ZNF705G: variants seen among roughly 807,000 people sequenced by gnomAD.
ZNF705G encodes zinc finger protein 705G.
ZNF705G carries 23 observed loss-of-function variants against 19.6 expected under a neutral mutation model. The observed-to-expected ratio is 1.17, with a 90% CI of 0.84 to 1.66. The LOEUF (loss-of-function observed/expected upper bound fraction) is 1.66, where lower values mean the gene tolerates loss of function less well. Among genes scored for constraint, ZNF705G ranks in the 40% most tolerant of loss-of-function variants. The pLI, the probability that ZNF705G is intolerant of heterozygous loss-of-function variation, is 0.00. For missense variants in ZNF705G, 457 were observed against 354.4 expected (o/e 1.29, Z -2.32); for synonymous variants, 146 against 117.7 (o/e 1.24, Z -1.56).
intron 2 of ZNF705G, among the ~76,000 whole-genome samples, chr8:7,377,953 CAAAAA>C (rs1175739210): frequency 5.6e-5 from 3 of 53,118 alleles, no homozygotes; most frequent in African/African-American, 4.0e-4. Flanking sequence ...GACACTGTCT[CAAAAA>C]AAAAAAAAAA....
At position 7,358,495 on chromosome 8, in the gene ZNF705G, A is replaced by T; in HGVS notation, c.384T>A (p.Ser128Arg). 1 of 1,607,616 alleles carries T rather than the reference A, an allele frequency of 6.2e-7. No individual in the cohort carries two copies. The highest frequency in any genetic ancestry group is 8.5e-7 in the Non-Finnish European group (1 of 1,179,592). The change falls in exon 7 of 7, where the codon AGT becomes AGA. Residue 128 changes from serine (S) to arginine (R), a missense_variant. Coordinates refer to ENST00000400156, the MANE Select transcript of ZNF705G (RefSeq NM_001164457.3). The stretch of plus-strand genomic sequence containing the variant: ...TTAACAAACACTGAGTTATTGTGGA[A>T]CTGCGAGTGCAATCTTCTCCCGAAT... ...CNDSGEDCTR[S>R]STITQCLLTH...
chr8:7,379,718 T>G (rs547692768), intron 2 of ZNF705G, among the ~76,000 whole-genome samples: 1 of 147,284 alleles, frequency 6.8e-6, no homozygotes, highest in East Asian at 1.9e-4. Flanking sequence ...ACTGCAATCC[T>G]AGCCAAGGGA....
chr8:7,370,044 A>ATT (rs61572231), intron 2 of ZNF705G, among the ~76,000 whole-genome samples: 4,105 of 146,196 alleles, frequency 0.028, 95 homozygotes, highest in Middle Eastern at 0.089. Context: ...TAAAAGTTGA[A>ATT]TTTTTTTTTA....
At position 7,360,273 on chromosome 8, in the gene ZNF705G, T is replaced by A. The variant is rs9721188; in HGVS notation, c.199A>T (p.Arg67Trp). ...LQLEQGKELW[R>W]EGRVFLQDQN... ...TCTTGAAGAAATACTCTTCCTTCCCTCCACAGCTCTTTTCCTTGCTCCAGC... is the reference window on the plus strand; with the variant it reads ...TCTTGAAGAAATACTCTTCCTTCCCACCACAGCTCTTTTCCTTGCTCCAGC... The change falls in exon 5 of 7, where the codon AGG becomes TGG. Residue 67 changes from arginine (R) to tryptophan (W), a missense_variant. Transcript: ENST00000400156. 1.9e-5 allele frequency: 29 copies of A among 1,521,850 alleles called. 2 individuals are homozygous for A. Among genetic ancestry groups the A allele is most frequent in the East Asian group, 4.5e-5 (2 of 44,318 alleles). The allele number at this position is 1,521,850 out of a possible 1,614,324, so 94.3% of individuals were successfully genotyped here. A position where few individuals can be genotyped will look rare whatever the true frequency, so the allele number is the denominator to read the frequency against.
intron 1 of ZNF705G, among the ~76,000 whole-genome samples, chr8:7,385,234 A>T (rs1305693656): frequency 6.7e-6 from 1 of 149,074 alleles, no homozygotes; most frequent in East Asian, 1.9e-4. Flanking sequence ...CACTTCCCAA[A>T]TGTTCCGCTT....
intron 2 of ZNF705G, among the ~76,000 whole-genome samples, chr8:7,365,015 T>G (rs1806792884): frequency 6.7e-6 from 1 of 149,660 alleles, no homozygotes; most frequent in Non-Finnish European, 1.5e-5. Context: ...TGTGTAATTA[T>G]AACCCAAACA....
intron 2 of ZNF705G, among the ~76,000 whole-genome samples, chr8:7,363,393 T>C (rs1490021980): frequency 1.4e-4 from 21 of 148,608 alleles, no homozygotes; most frequent in Non-Finnish European, 2.9e-5. Flanking sequence ...TCTCAGATTT[T>C]ATTATCCTAG....
chr8:7,360,125 C>A, intron 5 of ZNF705G, 112 bp downstream of exon 5: 1 of 1,274,688 alleles, frequency 7.8e-7, no homozygotes, highest in South Asian at 1.3e-5. Flanking sequence ...GTAGCCTAAC[C>A]TACATTTTAG....
chr8:7,375,187 C>T (rs1414943603), intron 2 of ZNF705G, among the ~76,000 whole-genome samples: 1 of 90,482 alleles, frequency 1.1e-5, no homozygotes, highest in Non-Finnish European at 2.1e-5. Context: ...CCTCTCCCTC[C>T]CCTCCTGGTA....
intron 2 of ZNF705G, 148 bp from the exon 3 acceptor site, chr8:7,363,165 C>A (rs1182959299): frequency 1.7e-6 from 2 of 1,160,050 alleles, no homozygotes; most frequent in Non-Finnish European, 2.4e-6. Context: ...GGCCTCTCCT[C>A]TTTTCCCGTG....
Position 7,357,808 on chromosome 8 carries a change from G to C in ZNF705G, c.*168C>G, listed in dbSNP as rs773464854. On this transcript the variant is annotated 3_prime_UTR_variant, in exon 7 of 7. Transcript: ENST00000400156. Reference sequence around the variant, plus strand: ...AGTCTCTTCCACATTCCTTACCTTTGTCATTCCTAACACCGTGTCATCTAA... The same window carrying C: ...AGTCTCTTCCACATTCCTTACCTTTCTCATTCCTAACACCGTGTCATCTAA... 9.4e-7 allele frequency: 1 copy of C among 1,068,554 alleles called. No homozygotes were observed. The highest frequency in any genetic ancestry group is 1.3e-6 in the Non-Finnish European group (1 of 771,312). The allele number at this position is 1,068,554 out of a possible 1,614,324, so 66.2% of individuals were successfully genotyped here. A position where few individuals can be genotyped will look rare whatever the true frequency, so the allele number is the denominator to read the frequency against.
chr8:7,381,013 C>A (rs1807469886), intron 2 of ZNF705G, among the ~76,000 whole-genome samples: 3 of 23,774 alleles, frequency 1.3e-4, no homozygotes, highest in Admixed American at 4.1e-4. Context: ...TAGACTCTGT[C>A]TCAAACCACC....
At chr8:7,384,851 G>C (rs917757609) in intron 1 of ZNF705G, among the ~76,000 whole-genome samples, 3 of 145,922 alleles carry the variant, frequency 2.1e-5, no homozygotes, top group Admixed American at 6.6e-5. Context: ...CACCTATCAC[G>C]TACCATGAGT....
At chr8:7,360,427 C>T (rs1806522010) in intron 4 of ZNF705G, 95 bp from the exon 5 acceptor site, 2 of 1,560,430 alleles carry the variant, frequency 1.3e-6, no homozygotes, top group Middle Eastern at 2.3e-4. Context: ...AGAATAAAAA[C>T]AGTGAAGGTC....
chr8:7,361,605 G>A (rs1328431929), intron 3 of ZNF705G, among the ~76,000 whole-genome samples: 2 of 149,510 alleles, frequency 1.3e-5, no homozygotes, highest in African/African-American at 5.1e-5. Context: ...TTGTCACAAG[G>A]CAAATAACCA....
At chr8:7,359,935 A>G (rs1343111768) in intron 5 of ZNF705G, among the ~76,000 whole-genome samples, 1 of 149,496 alleles carries the variant, frequency 6.7e-6, no homozygotes, top group Non-Finnish European at 1.5e-5. Context: ...CAGGCAGGTA[A>G]AAAGAGGGAT....
intron 4 of ZNF705G, 99 bp downstream of exon 4, chr8:7,361,011 G>A: frequency 6.3e-7 from 1 of 1,580,994 alleles, no homozygotes; most frequent in South Asian, 1.1e-5. Flanking sequence ...GAGAATCAGA[G>A]AAGAGATTAG....
At chr8:7,364,577 T>C (rs1177741161) in intron 2 of ZNF705G, among the ~76,000 whole-genome samples, 2 of 149,568 alleles carry the variant, frequency 1.3e-5, no homozygotes, top group Non-Finnish European at 2.9e-5. Context: ...CGCTGCCTCT[T>C]CTTGCTTTTT....
intron 6 of ZNF705G, among the ~76,000 whole-genome samples, chr8:7,358,868 T>C (rs1310528864): frequency 6.7e-6 from 1 of 149,450 alleles, no homozygotes; most frequent in African/African-American, 2.6e-5. Flanking sequence ...TCATGAGCTG[T>C]TAAAATTGCA....
Sources: allele counts gnomAD v4.1 joint callset (sites outside exome capture counted in the v4.1 genomes callset), GRCh38; gene constraint gnomAD v4.1.1; transcripts MANE v1.5; gene names NCBI Gene and HGNC (gene_info 2026-07-23, HGNC 2026-07-21).